FAM171A1: variants seen among roughly 807,000 people sequenced by gnomAD.
FAM171A1 encodes protein FAM171A1.
Under a neutral mutation model 74.9 loss-of-function variants are expected in FAM171A1, and 23 were observed. That is an observed-to-expected ratio of 0.31 (90% CI 0.22 to 0.44). The LOEUF is 0.44. Ranked by LOEUF, FAM171A1 falls within the 20% of genes least tolerant of loss-of-function variation. The pLI, the probability that FAM171A1 is intolerant of heterozygous loss-of-function variation, is 1.00. For synonymous variants in FAM171A1, 527 were observed against 505.7 expected (o/e 1.04, Z -0.57); for missense variants, 1,162 against 1,159.2 (o/e 1.00, Z -0.03).
At position 15,214,047 on chromosome 10, in the gene FAM171A1, G is replaced by A. The variant is rs1484208805; in HGVS notation, c.1541C>T (p.Thr514Ile). ...CGCGGGGTACAGATGTTCCTGAATG[G>A]TGAGTTTGCTTCCCGTGGAGGCTGG... ...EGPASTGSKL[T>I]IQEHLYPAPS... Residue 514 changes from threonine to isoleucine, a missense_variant, in exon 8 of 8, where the codon ACC becomes ATC. Thr to Ile is a moderately conservative substitution (Grantham distance 89, BLOSUM62 -1). Coordinates refer to ENST00000378116, the MANE Select transcript of FAM171A1 (RefSeq NM_001010924.2). 1 of 1,614,210 alleles carries A rather than the reference G, an allele frequency of 6.2e-7. No individual in the cohort carries two copies. The highest frequency in any genetic ancestry group is 8.5e-7 in the Non-Finnish European group (1 of 1,180,044).
intron 3 of FAM171A1, among the ~76,000 whole-genome samples, chr10:15,275,481 G>C (rs1278941756): frequency 1.3e-5 from 2 of 151,322 alleles, no homozygotes; most frequent in African/African-American, 4.9e-5. Context: ...ATTTTTAGTA[G>C]AGATGGGGTT....
chr10:15,362,102 G>A (rs1243651395), intron 1 of FAM171A1, among the ~76,000 whole-genome samples: 1 of 152,174 alleles, frequency 6.6e-6, no homozygotes, highest in Admixed American at 6.5e-5. Context: ...AAAAGTAGGA[G>A]TTCAAAATAT....
chr10:15,313,221 A>T (rs1835384510), intron 1 of FAM171A1, among the ~76,000 whole-genome samples: 1 of 152,216 alleles, frequency 6.6e-6, no homozygotes, highest in Non-Finnish European at 1.5e-5. Flanking sequence ...ACTGCTTTGC[A>T]GCAGTAAACC....
intron 5 of FAM171A1, among the ~76,000 whole-genome samples, chr10:15,238,895 G>T (rs537741754): frequency 6.6e-6 from 1 of 152,352 alleles, no homozygotes; most frequent in East Asian, 1.9e-4. Context: ...ATTAGAATGA[G>T]AGTATCCAAA....
At chr10:15,256,122 C>T (rs1329164179) in intron 3 of FAM171A1, among the ~76,000 whole-genome samples, 1 of 152,198 alleles carries the variant, frequency 6.6e-6, no homozygotes, top group South Asian at 2.1e-4. Context: ...CTGTGCTTTG[C>T]TGAGGGTTCC....
chr10:15,339,074 A>G (rs950463514), intron 1 of FAM171A1, among the ~76,000 whole-genome samples: 2 of 152,172 alleles, frequency 1.3e-5, no homozygotes, highest in Non-Finnish European at 2.9e-5. Flanking sequence ...GCTAAGGTTA[A>G]GTTTTTTAAG....
intron 1 of FAM171A1, among the ~76,000 whole-genome samples, chr10:15,365,210 T>C (rs11259628): frequency 0.025 from 3,793 of 152,202 alleles, 156 homozygotes; most frequent in African/African-American, 0.087. Context: ...TCCTACTGCA[T>C]GGATTTTAAG....
intron 3 of FAM171A1, among the ~76,000 whole-genome samples, chr10:15,266,668 C>A (rs1834745841): frequency 6.6e-6 from 1 of 151,940 alleles, no homozygotes; most frequent in South Asian, 2.1e-4. Context: ...GAGTTCGAGA[C>A]CAGCTTGGGC....
intron 3 of FAM171A1, among the ~76,000 whole-genome samples, chr10:15,262,376 G>A (rs1255746337): frequency 6.6e-6 from 1 of 152,162 alleles, no homozygotes; most frequent in East Asian, 1.9e-4. Flanking sequence ...GGAGTGGAAA[G>A]CTATTTTTGA....
At position 15,248,778 on chromosome 10, in the gene FAM171A1, G is replaced by A. The variant is rs138943848; in HGVS notation, c.615C>T (p.Ala205=). 1,044 of 1,613,040 alleles carry A rather than the reference G, an allele frequency of 6.5e-4. 15 individuals are homozygous for A. The East Asian group carries it at 0.019, about 29-fold the overall frequency. ...STRHDLTPVT[A]VSVHLLSSNG... ...TACTGCTCAGCAAGTGGACGCTGACGGCTGTGACTGGGGTCAGGTCATGCC... is the reference window on the plus strand; with the variant it reads ...TACTGCTCAGCAAGTGGACGCTGACAGCTGTGACTGGGGTCAGGTCATGCC... The change falls in exon 5 of 8, where the codon GCC becomes GCT. Residue 205 remains alanine (A), a synonymous_variant. Transcript: ENST00000378116.
intron 1 of FAM171A1, among the ~76,000 whole-genome samples, chr10:15,365,785 G>T (rs2131893808): frequency 6.6e-6 from 1 of 151,234 alleles, no homozygotes; most frequent in African/African-American, 2.4e-5. Flanking sequence ...AAAAAAGAGA[G>T]AGAAATGCAG....
chr10:15,225,263 A>G (rs1834090032), intron 5 of FAM171A1, among the ~76,000 whole-genome samples: 1 of 152,206 alleles, frequency 6.6e-6, no homozygotes, highest in Non-Finnish European at 1.5e-5. Flanking sequence ...TACAGGTGCA[A>G]TCAAAAAATA....
chr10:15,321,607 G>C (rs1270720694), intron 1 of FAM171A1, among the ~76,000 whole-genome samples: 1 of 152,040 alleles, frequency 6.6e-6, no homozygotes, highest in African/African-American at 2.4e-5. Flanking sequence ...AAAACCAAAA[G>C]ACAAACTTTG....
chr10:15,218,246 A>T (rs533494818), intron 6 of FAM171A1, among the ~76,000 whole-genome samples: 144 of 151,518 alleles, frequency 9.5e-4, no homozygotes, highest in Non-Finnish European at 1.8e-3. Context: ...TGCCTGGCAA[A>T]TTTTTTGTAT....
chr10:15,285,852 A>T (rs972971506), intron 1 of FAM171A1, among the ~76,000 whole-genome samples: 3 of 152,224 alleles, frequency 2.0e-5, no homozygotes, highest in African/African-American at 7.2e-5. Context: ...CTGGCTGGGT[A>T]CAGAGCAGCC....
chr10:15,218,225 G>C (rs989844424), intron 6 of FAM171A1, among the ~76,000 whole-genome samples: 2 of 152,038 alleles, frequency 1.3e-5, no homozygotes, highest in African/African-American at 4.8e-5. Context: ...GACTACAGGT[G>C]TGTGCTACTG....
intron 3 of FAM171A1, among the ~76,000 whole-genome samples, chr10:15,261,059 CTCTT>C (rs1211644860): frequency 3.9e-5 from 6 of 152,232 alleles, no homozygotes; most frequent in African/African-American, 1.4e-4. Flanking sequence ...CTCTCTTTGT[CTCTT>C]TCTGTGTCTT....
chr10:15,373,042 T>C (rs190819981), upstream of FAM171A1, among the ~76,000 whole-genome samples: 18 of 152,276 alleles, frequency 1.2e-4, no homozygotes, highest in African/African-American at 3.4e-4. Context: ...CATTTAGACA[T>C]GGCAGGCACC....
Position 15,212,037 on chromosome 10 carries a change from T to A in FAM171A1, c.*878A>T, listed in dbSNP as rs1382237552. 6.6e-6 allele frequency: 1 copy of A among 152,594 alleles called. No individual in the cohort carries two copies. Among genetic ancestry groups the A allele is most frequent in the Non-Finnish European group, 1.5e-5 (1 of 68,040 alleles). 9.5% of individuals were successfully genotyped at this position (152,594 alleles called of 1,614,324 possible). A position where few individuals can be genotyped will look rare whatever the true frequency, so the allele number is the denominator to read the frequency against. The stretch of plus-strand genomic sequence containing the variant: ...CGAGGATGCTGACCCCAAATGGCAC[T>A]TGGCAGCATGCAGTTTAAAGCAAAA... On this transcript the variant is annotated 3_prime_UTR_variant, in exon 8 of 8. Coordinates refer to ENST00000378116, the MANE Select transcript of FAM171A1 (RefSeq NM_001010924.2).
Sources: gnomAD v4.1 joint callset for allele counts (sites outside exome capture counted in the v4.1 genomes callset) on GRCh38, gnomAD v4.1.1 for gene constraint, MANE v1.5 for transcripts, NCBI Gene and HGNC (gene_info 2026-07-23, HGNC 2026-07-21) for gene names.